Variants in SCN2A observed in about 807,000 individuals in gnomAD.
SCN2A encodes the protein sodium channel protein type 2 subunit alpha.
SCN2A carries 20 observed loss-of-function variants against 188.7 expected under a neutral mutation model. That is an observed-to-expected ratio of 0.11 (90% CI 0.07 to 0.15). The LOEUF is 0.15. Among genes scored for constraint, SCN2A ranks in the 10% least tolerant of loss-of-function variants. The probability of loss-of-function intolerance (pLI) is 1.00; values close to 1 mark genes in which losing one functional copy is unlikely to be tolerated. For missense variants in SCN2A, 1,278 were observed against 2,445.0 expected (o/e 0.52, Z 10.07); for synonymous variants, 804 against 833.1 (o/e 0.97, Z 0.60).
intron 11 of SCN2A, among the ~76,000 whole-genome samples, chr2:165,319,205 C>T (rs999608680): frequency 2.6e-5 from 4 of 152,020 alleles, no homozygotes; most frequent in Admixed American, 6.6e-5. Flanking sequence ...GGCGTGGTGG[C>T]AGGTGCCTGT....
At chr2:165,279,932 A>G (rs1195519314) in intron 1 of SCN2A, among the ~76,000 whole-genome samples, 1 of 152,150 alleles carries the variant, frequency 6.6e-6, no homozygotes, top group Non-Finnish European at 1.5e-5. Context: ...ATGGTTGTAT[A>G]AGGGGGAGTT....
intron 16 of SCN2A, among the ~76,000 whole-genome samples, chr2:165,346,658 A>G (rs1400934805): frequency 1.3e-5 from 2 of 152,228 alleles, no homozygotes; most frequent in Admixed American, 1.3e-4. Context: ...CTATCATCAG[A>G]GTGAACAGGC....
chr2:165,344,712 A>G lies in SCN2A; in HGVS notation c.2720A>G (p.Tyr907Cys). 6.2e-7 allele frequency: 1 copy of G among 1,614,158 alleles called. No homozygotes were observed. The change falls in exon 16 of 27, where the codon TAC becomes TGC. Residue 907 changes from tyrosine to cysteine, a missense_variant. By Grantham distance (194) the Tyr-to-Cys change is radical. Around this residue, in one of 17 missense-constraint regions of SCN2A, gnomAD observed 83 missense variants for 256.8 expected, o/e 0.32. Coordinates refer to ENST00000375437, the MANE Select transcript of SCN2A (RefSeq NM_001040142.2). ...VVGMQLFGKSYKECVCKISND... is the reference protein window; with the variant it reads ...VVGMQLFGKSCKECVCKISND... ...GGCATGCAGCTCTTTGGTAAGAGCTACAAAGAATGTGTCTGCAAGATTTCC... is the reference window on the plus strand; with the variant it reads ...GGCATGCAGCTCTTTGGTAAGAGCTGCAAAGAATGTGTCTGCAAGATTTCC...
Position 165,344,650 on chromosome 2 carries a change from G to T in SCN2A, c.2658G>T (p.Leu886Phe). Residue 886 changes from leucine (L) to phenylalanine (F), a missense_variant, in exon 16 of 27, where the codon TTG becomes TTT. Coordinates refer to ENST00000375437, the MANE Select transcript of SCN2A (RefSeq NM_001040142.2). ...TGGGGGCTCTAGGAAACCTCACCTT[G>T]GTATTGGCCATCATCGTCTTCATTT... ...NSVGALGNLTLVLAIIVFIFA... is the reference protein window; with the variant it reads ...NSVGALGNLTFVLAIIVFIFA... 6.2e-7 allele frequency: 1 copy of T among 1,614,028 alleles called. No homozygotes were observed. Among genetic ancestry groups the T allele is most frequent in the Non-Finnish European group, 8.5e-7 (1 of 1,179,998 alleles).
chr2:165,326,077 T>C (rs1054521339), intron 12 of SCN2A, among the ~76,000 whole-genome samples: 1 of 152,188 alleles, frequency 6.6e-6, no homozygotes, highest in African/African-American at 2.4e-5. Flanking sequence ...CCTTTTTTTT[T>C]CCTGTGATAA....
intron 17 of SCN2A, among the ~76,000 whole-genome samples, chr2:165,359,826 A>G (rs1700366450): frequency 6.6e-6 from 1 of 151,972 alleles, no homozygotes; most frequent in South Asian, 2.1e-4. Context: ...GTCACTGGTA[A>G]TCTACTGAGC....
chr2:165,306,063 A>G (rs1697108658), intron 3 of SCN2A, among the ~76,000 whole-genome samples: 1 of 152,176 alleles, frequency 6.6e-6, no homozygotes, highest in Non-Finnish European at 1.5e-5. Context: ...CCACTGTAAC[A>G]GGAAGGAGGA....
chr2:165,370,025 T>G, intron 19 of SCN2A, 101 bp from the exon 20 acceptor site: 1 of 1,003,306 alleles, frequency 1.0e-6, no homozygotes, highest in Non-Finnish European at 1.5e-6. Flanking sequence ...CCTTCCAGCC[T>G]TAGGCACCTG....
At chr2:165,354,736 T>A (rs1700095542) in intron 17 of SCN2A, 65 bp downstream of exon 17, 1 of 1,518,626 alleles carries the variant, frequency 6.6e-7, no homozygotes. Flanking sequence ...AATTATCAGG[T>A]GTTTTTAAAT....
chr2:165,290,747 T>C, intron 1 of SCN2A: 1 of 984,814 alleles, frequency 1.0e-6, no homozygotes, highest in Non-Finnish European at 1.2e-6. Flanking sequence ...ATTGTGCGCT[T>C]GATTGCAGTA....
chr2:165,239,544 C>T lies in SCN2A; in HGVS notation c.-148C>T, dbSNP rs1693527038. 1 of 747,814 alleles carries T rather than the reference C, an allele frequency of 1.3e-6. No homozygotes were observed. Among genetic ancestry groups the T allele is most frequent in the Non-Finnish European group, 1.6e-6 (1 of 613,394 alleles). 46.3% of individuals were successfully genotyped at this position (747,814 alleles called of 1,614,324 possible). A position where few individuals can be genotyped will look rare whatever the true frequency, so the allele number is the denominator to read the frequency against. On this transcript the variant is annotated 5_prime_UTR_variant, in exon 1 of 27. Transcript: ENST00000375437. ...TAGAGCACATGTGAGATTTTACTTTCTACTCCAGTAAAAATTCTGAAGAAT... is the reference window on the plus strand; with the variant it reads ...TAGAGCACATGTGAGATTTTACTTTTTACTCCAGTAAAAATTCTGAAGAAT...
At chr2:165,307,636 C>T (rs1164456557) in intron 3 of SCN2A, among the ~76,000 whole-genome samples, 1 of 151,918 alleles carries the variant, frequency 6.6e-6, no homozygotes, top group Non-Finnish European at 1.5e-5. Flanking sequence ...ACCTAAATAG[C>T]CTCAAAATAG....
chr2:165,374,627 A>G, intron 21 of SCN2A, 58 bp from the exon 22 acceptor site: 1 of 1,565,868 alleles, frequency 6.4e-7, no homozygotes, highest in Non-Finnish European at 8.8e-7. Flanking sequence ...AATGTTTAAA[A>G]ATAAGTAAAT....
At chr2:165,331,730 T>C (rs1267448421) in intron 14 of SCN2A, among the ~76,000 whole-genome samples, 162 bp downstream of exon 14, 2 of 152,158 alleles carry the variant, frequency 1.3e-5, no homozygotes, top group South Asian at 2.1e-4. Flanking sequence ...GTTGCTACCA[T>C]AGTGCAAAAG....
At position 165,389,628 on chromosome 2, in the gene SCN2A, A is replaced by G. The variant is rs749132423; in HGVS notation, c.5822A>G (p.Asp1941Gly). The G allele has an allele frequency of 4.3e-6, 7 of 1,614,016 alleles. No individual in the cohort carries two copies. The South Asian group carries it at 6.6e-5, about 15-fold the overall frequency. Residue 1941 changes from aspartate (D) to glycine (G), a missense_variant, in exon 27 of 27, where the codon GAT (aspartate) becomes GGT (glycine). Physicochemically the swap from Asp to Gly is moderately conservative, Grantham distance 94. Coordinates refer to ENST00000375437, the MANE Select transcript of SCN2A (RefSeq NM_001040142.2). This position sits in a 1 kb window ranked among gnomAD's most constrained non-coding sequence, Gnocchi z 4.2. ...AAGAAAGACAAAGGCAAAGAATGTG[A>G]TGGAACACCCATCAAAGAAGATACT... is the stretch of plus-strand genomic sequence containing the variant. ...IYKKDKGKEC[D>G]GTPIKEDTLI...
chr2:165,389,349 G>T lies in SCN2A; in HGVS notation c.5543G>T (p.Ser1848Ile), dbSNP rs1397380001. 2 of 1,614,076 alleles carry T rather than the reference G, an allele frequency of 1.2e-6. No homozygotes were observed. Among genetic ancestry groups the T allele is most frequent in the Non-Finnish European group, 1.7e-6 (2 of 1,180,002 alleles). Residue 1848 changes from serine (S) to isoleucine (I), a missense_variant, in exon 27 of 27, where the codon AGT (serine) becomes ATT (isoleucine). By Grantham distance (142) the Ser-to-Ile change is moderately radical. Transcript: ENST00000375437. This position sits in a 1 kb window ranked among gnomAD's most constrained non-coding sequence, Gnocchi z 4.2. The part of the protein sequence containing the change: ...QLIAMDLPMV[S>I]GDRIHCLDIL... ...ATTGCCATGGATCTGCCCATGGTGA[G>T]TGGTGACCGGATCCACTGTCTTGAC...
In SCN2A at chr2:165,377,585, C is replaced by G; in HGVS notation, c.4255-12C>G. On this transcript the variant is annotated splice_polypyrimidine_tract_variant and intron_variant, in intron 22 of 26. Transcript: ENST00000375437. ...TTTGGGAAAAAAGAAAATGATATGA[C>G]TTTTCTTACAGGCCACGTTTAAGGG... 3 of 1,599,562 alleles carry G rather than the reference C, an allele frequency of 1.9e-6. No homozygotes were observed. The highest frequency in any genetic ancestry group is 2.6e-6 in the Non-Finnish European group (3 of 1,171,018).
rs1698661468 is a variant in SCN2A at position 165,331,317 on chromosome 2, T to A, written c.2150-13T>A. ...AGCAGTTTTCATGAGGATTCTAACTTTTTTTCTTCCAGAACTTGAAGAATC... is the reference window on the plus strand; with the variant it reads ...AGCAGTTTTCATGAGGATTCTAACTATTTTTCTTCCAGAACTTGAAGAATC... On this transcript the variant is annotated splice_polypyrimidine_tract_variant and intron_variant, in intron 13 of 26. Coordinates refer to ENST00000375437, the MANE Select transcript of SCN2A (RefSeq NM_001040142.2). 1 of 1,599,274 alleles carries A rather than the reference T, an allele frequency of 6.3e-7. No individual in the cohort carries two copies. The highest frequency in any genetic ancestry group is 1.1e-5 in the South Asian group (1 of 90,754).
chr2:165,291,346 T>C (rs1447090741), intron 1 of SCN2A, among the ~76,000 whole-genome samples: 4 of 26,806 alleles, frequency 1.5e-4, no homozygotes, highest in African/African-American at 4.7e-4. Flanking sequence ...GACTTGTCTG[T>C]CGTTCGTTCC....
Sources: gnomAD v4.1 joint callset for allele counts (sites outside exome capture counted in the v4.1 genomes callset) on GRCh38, gnomAD v4.1.1 for gene constraint, gnomAD v4.1.1 regional missense constraint, Gnocchi (gnomAD v3.1) non-coding constraint, MANE v1.5 for transcripts, NCBI Gene and HGNC (gene_info 2026-07-23, HGNC 2026-07-21) for gene names.